The following RIC1 variants were observed in gnomAD, a reference collection of about 807,000 sequenced individuals.
RIC1 encodes guanine nucleotide exchange factor subunit RIC1.
RIC1 carries 88 observed loss-of-function variants against 169.0 expected under a neutral mutation model. The observed-to-expected ratio is 0.52, with a 90% CI of 0.44 to 0.62. RIC1 has a LOEUF of 0.62. Ranked by LOEUF, RIC1 falls within the 20% of genes least tolerant of loss-of-function variation. The pLI is 0.00. For missense variants in RIC1, 1,877 were observed against 1,725.5 expected, an observed-to-expected ratio of 1.09 and a Z score of -1.56; for synonymous variants, 790 against 601.5, an observed-to-expected ratio of 1.31 and a Z score of -4.59.
chr9:5,660,524 G>T (rs921231493), intron 2 of RIC1, among the ~76,000 whole-genome samples: 1 of 152,046 alleles, frequency 6.6e-6, no homozygotes, highest in African/African-American at 2.4e-5. Flanking sequence ...GTTGTTTTTT[G>T]ACTTTTTAGT....
chr9:5,722,241 T>C (rs1312805129), intron 6 of RIC1, among the ~76,000 whole-genome samples: 2 of 151,316 alleles, frequency 1.3e-5, no homozygotes, highest in Non-Finnish European at 2.9e-5. Context: ...ACAAAACAAT[T>C]TAATGGAGGA....
At chr9:5,724,825 T>G (rs1823857764) in intron 6 of RIC1, among the ~76,000 whole-genome samples, 1 of 152,240 alleles carries the variant, frequency 6.6e-6, no homozygotes, top group African/African-American at 2.4e-5. Flanking sequence ...CATGTGGTTT[T>G]TGTCTTTGGT....
At chr9:5,670,077 G>C (rs552412679) in intron 2 of RIC1, among the ~76,000 whole-genome samples, 1 of 152,214 alleles carries the variant, frequency 6.6e-6, no homozygotes, top group Admixed American at 6.5e-5. Context: ...TCTCCAGTTA[G>C]TATGGATACC....
At chr9:5,637,593 T>G (rs538177947) in intron 1 of RIC1, among the ~76,000 whole-genome samples, 1 of 152,312 alleles carries the variant, frequency 6.6e-6, no homozygotes, top group South Asian at 2.1e-4. Flanking sequence ...CGTTCCCACC[T>G]CCCTTCCTAT....
At chr9:5,708,406 G>T (rs139990934) in intron 3 of RIC1, among the ~76,000 whole-genome samples, 1 of 152,220 alleles carries the variant, frequency 6.6e-6, no homozygotes, top group African/African-American at 2.4e-5. Context: ...TTGAGTTATT[G>T]CCTCTTGTTT....
intron 3 of RIC1, among the ~76,000 whole-genome samples, chr9:5,707,599 G>C (rs141815743): frequency 6.6e-6 from 1 of 152,056 alleles, no homozygotes; most frequent in African/African-American, 2.4e-5. Flanking sequence ...TTGCTAGATT[G>C]ACTGTTTGAT....
intron 2 of RIC1, among the ~76,000 whole-genome samples, chr9:5,686,337 T>A (rs987225380): frequency 4.6e-5 from 7 of 152,070 alleles, no homozygotes; most frequent in African/African-American, 1.7e-4. Context: ...CGTATGTTTA[T>A]TGTGGCACTA....
chr9:5,655,267 GTGT>G (rs1819025363), intron 1 of RIC1, among the ~76,000 whole-genome samples: 5 of 151,994 alleles, frequency 3.3e-5, no homozygotes, highest in Admixed American at 3.3e-4. Context: ...TCATGAATGA[GTGT>G]TGTTCTGTAG....
rs759646251 is a variant in RIC1 at position 5,698,351 on chromosome 9, C to T, written c.332+8313C>T. On this transcript the variant is annotated intron_variant, in intron 3 of 25. Transcript: ENST00000414202. ...ACCAATTTGATGAGAAATTACTCCC[C>T]GCTCAGTGTCCTGGGAAGTTTGACT... 9.8e-5 allele frequency among the ~76,000 whole-genome samples: 15 copies of T among 152,290 alleles called. No homozygotes were observed. The South Asian group carries it at 2.3e-3, about 23-fold the overall frequency.
intron 1 of RIC1, among the ~76,000 whole-genome samples, chr9:5,641,386 C>T (rs142936526): frequency 0.02 from 3,091 of 152,090 alleles, 115 homozygotes; most frequent in African/African-American, 0.07. Flanking sequence ...CCACCGCGCC[C>T]GGCCGCCATG....
Position 5,763,226 on chromosome 9 carries a change from T to A in RIC1, c.2199T>A (p.Leu733=). Residue 733 remains leucine, a synonymous_variant, in exon 19 of 26, where the codon CTT becomes CTA. Coordinates refer to ENST00000414202, the MANE Select transcript of RIC1 (RefSeq NM_020829.4). This position sits in a 1 kb window ranked among gnomAD's most constrained non-coding sequence, Gnocchi z 5.2. ...TCRANKQKRH[L]LEALWLSCGG... ...GAGCAAATAAACAGAAACGTCACCT[T>A]CTGGAGGCCCTCTGGCTGAGCTGTG... is the stretch of plus-strand genomic sequence containing the variant. The A allele has an allele frequency of 6.2e-7, 1 of 1,614,136 alleles. No individual in the cohort carries two copies. Among genetic ancestry groups the A allele is most frequent in the Non-Finnish European group, 8.5e-7 (1 of 1,179,996 alleles).
intron 21 of RIC1, among the ~76,000 whole-genome samples, chr9:5,766,068 G>A (rs2131114241): frequency 6.6e-6 from 1 of 152,184 alleles, no homozygotes; most frequent in African/African-American, 2.4e-5. Flanking sequence ...TTAAGACAGA[G>A]TCTCACTCTG....
intron 8 of RIC1, among the ~76,000 whole-genome samples, chr9:5,740,463 A>G (rs1342909696): frequency 6.6e-6 from 1 of 152,024 alleles, no homozygotes; most frequent in Admixed American, 6.6e-5. Flanking sequence ...TAGAATAGAT[A>G]CATACATATT....
chr9:5,765,470 A>T lies in RIC1; in HGVS notation c.2898A>T (p.Ala966=). 1 of 1,614,192 alleles carries T rather than the reference A, an allele frequency of 6.2e-7. No homozygotes were observed. The highest frequency in any genetic ancestry group is 8.5e-7 in the Non-Finnish European group (1 of 1,180,000). ...ATGCTACCCTTCTATTCAACACAGC[A>T]CTAGAACAAGGCAAGTGGGACCTTT... ...RQHATLLFNT[A]LEQGKWDLCR... The change falls in exon 20 of 26, where the codon GCA becomes GCT. Residue 966 remains alanine (A), a synonymous_variant. Coordinates refer to ENST00000414202, the MANE Select transcript of RIC1 (RefSeq NM_020829.4).
At chr9:5,631,386 G>A (rs1357297220) in intron 1 of RIC1, among the ~76,000 whole-genome samples, 1 of 152,128 alleles carries the variant, frequency 6.6e-6, no homozygotes, top group Non-Finnish European at 1.5e-5. Flanking sequence ...CCTTAGAGGA[G>A]GCTGTATAGT....
chr9:5,659,214 T>C (rs1819296192), intron 2 of RIC1, among the ~76,000 whole-genome samples: 1 of 152,130 alleles, frequency 6.6e-6, no homozygotes, highest in South Asian at 2.1e-4. Context: ...CCATTGGTAT[T>C]TGGGGTTATT....
chr9:5,638,969 G>A (rs1586861069), intron 1 of RIC1, among the ~76,000 whole-genome samples: 2 of 152,152 alleles, frequency 1.3e-5, no homozygotes, highest in African/African-American at 4.8e-5. Context: ...AGGCTAGAGT[G>A]CAGTGGTGCA....
At chr9:5,673,939 G>T (rs1820279848) in intron 2 of RIC1, among the ~76,000 whole-genome samples, 1 of 152,052 alleles carries the variant, frequency 6.6e-6, no homozygotes, top group Non-Finnish European at 1.5e-5. Flanking sequence ...CTGTATGATA[G>T]CTTTATATAA....
chr9:5,750,980 T>G (rs1174192681), intron 12 of RIC1, among the ~76,000 whole-genome samples: 1 of 151,894 alleles, frequency 6.6e-6, no homozygotes, highest in Non-Finnish European at 1.5e-5. Flanking sequence ...TTGTGGCACT[T>G]CATAGATTTT....
Sources: allele counts gnomAD v4.1 joint callset (sites outside exome capture counted in the v4.1 genomes callset), GRCh38; gene constraint gnomAD v4.1.1; non-coding constraint Gnocchi (gnomAD v3.1); transcripts MANE v1.5; gene names NCBI Gene and HGNC (gene_info 2026-07-23, HGNC 2026-07-21).